MATN2: variants seen among roughly 807,000 people sequenced by gnomAD.
The protein encoded by MATN2 is matrilin-2.
A neutral mutation model predicts 103.2 loss-of-function variants in MATN2; 69 were observed. The observed-to-expected ratio is 0.67, with a 90% CI of 0.55 to 0.82. MATN2 has a LOEUF of 0.82. Ranked by LOEUF, MATN2 falls within the 40% of genes least tolerant of loss-of-function variation. MATN2 has a pLI of 0.00. For missense variants in MATN2, 1,023 were observed against 1,211.5 expected (o/e 0.84, Z 2.31); for synonymous variants, 429 against 450.2 (o/e 0.95, Z 0.60).
At chr8:97,994,447 T>G (rs778341901) in intron 6 of MATN2, 33 bp from the exon 7 acceptor site, 2 of 1,588,966 alleles carry the variant, frequency 1.3e-6, no homozygotes, top group Non-Finnish European at 1.7e-6. Flanking sequence ...TATTGATTGG[T>G]TTGCCATTCT....
At chr8:97,869,940 C>T (rs973738973) in intron 1 of MATN2, among the ~76,000 whole-genome samples, 1 of 152,130 alleles carries the variant, frequency 6.6e-6, no homozygotes, top group Admixed American at 6.5e-5. Context: ...CAGGGACACT[C>T]GCGCCCACCC....
intron 5 of MATN2, among the ~76,000 whole-genome samples, chr8:97,964,180 G>A (rs117238550): frequency 0.03 from 4,622 of 152,272 alleles, 107 homozygotes; most frequent in Non-Finnish European, 0.047. Context: ...AGGTCAGAGA[G>A]AGACTGTTAC....
rs1315095224 is a variant in MATN2 at position 97,869,241 on chromosome 8, C to T, written c.-73C>T. 1.3e-5 allele frequency: 2 copies of T among 152,244 alleles called. No individual in the cohort carries two copies. The highest frequency in any genetic ancestry group is 6.5e-5 in the Admixed American group (1 of 15,284). The allele number at this position is 152,244 out of a possible 1,614,324, so 9.4% of individuals were successfully genotyped here. On this transcript the variant is annotated 5_prime_UTR_variant, in exon 1 of 19. Coordinates refer to ENST00000254898, the MANE Select transcript of MATN2 (RefSeq NM_002380.5). ...GGCGAAGAGGCCGACGAGGAAGACC[C>T]GGGTGGCTGCGCCCCTGCCTCGCTT...
chr8:97,887,558 T>C (rs1475133555), intron 1 of MATN2, among the ~76,000 whole-genome samples: 1 of 152,218 alleles, frequency 6.6e-6, no homozygotes, highest in Admixed American at 6.5e-5. Flanking sequence ...CCAACACTCT[T>C]GTAATAAATG....
At chr8:98,026,320 C>G (rs1285360980) in intron 13 of MATN2, among the ~76,000 whole-genome samples, 1 of 150,620 alleles carries the variant, frequency 6.6e-6, no homozygotes, top group Non-Finnish European at 1.5e-5. Context: ...AGTGCAGCGG[C>G]ACAATCATAG....
At chr8:97,893,025 G>A (rs556647302) in intron 2 of MATN2, among the ~76,000 whole-genome samples, 2 of 152,302 alleles carry the variant, frequency 1.3e-5, no homozygotes, top group South Asian at 2.1e-4. Flanking sequence ...TTAGGACCTC[G>A]AGGGCTCCAA....
intron 4 of MATN2, among the ~76,000 whole-genome samples, chr8:97,960,992 T>C (rs1224873626): frequency 6.6e-6 from 1 of 152,064 alleles, no homozygotes; most frequent in Non-Finnish European, 1.5e-5. Flanking sequence ...TTTTTATATT[T>C]TTAGTAGAGA....
intron 2 of MATN2, among the ~76,000 whole-genome samples, chr8:97,927,592 T>A (rs549652337): frequency 6.6e-6 from 1 of 152,314 alleles, no homozygotes; most frequent in South Asian, 2.1e-4. Flanking sequence ...CAAGGACACA[T>A]TTTGAAGAAA....
At position 97,967,683 on chromosome 8, in the gene MATN2, G is replaced by A. The variant is rs182360800; in HGVS notation, c.958+6153G>A. On this transcript the variant is annotated intron_variant, in intron 5 of 18. Transcript: ENST00000254898. ...GGCCCCCAAGGCCTTGGTTGGCTCC[G>A]CCCCTGTGGTTGCAGGGTATAGCCC... 1.8e-4 allele frequency among the ~76,000 whole-genome samples: 27 copies of A among 152,330 alleles called. No homozygotes were observed. In the East Asian group the frequency reaches 1.9e-3, roughly 11 times the overall value.
intron 6 of MATN2, among the ~76,000 whole-genome samples, chr8:97,991,853 C>T (rs980285031): frequency 2.6e-5 from 4 of 152,108 alleles, no homozygotes; most frequent in Non-Finnish European, 5.9e-5. Context: ...CATGAGCCAC[C>T]ACCCCTGGCT....
Position 98,003,660 on chromosome 8 carries a change from G to A in MATN2, c.1205-1G>A. On this transcript the variant is annotated splice_acceptor_variant, in intron 7 of 18. Transcript: ENST00000254898. LOFTEE classifies it high-confidence loss of function. Reference sequence around the variant, plus strand: ...GGAAGGTCTGCCCTTCTTCCCCTCAGGGATCAACTACTGTGCACTGAACAA... The same window carrying A: ...GGAAGGTCTGCCCTTCTTCCCCTCAAGGATCAACTACTGTGCACTGAACAA... 1 of 1,613,760 alleles carries A rather than the reference G, an allele frequency of 6.2e-7. No individual in the cohort carries two copies. The highest frequency in any genetic ancestry group is 2.2e-5 in the East Asian group (1 of 44,844).
chr8:97,975,777 G>A (rs1208190637), intron 5 of MATN2, among the ~76,000 whole-genome samples: 3 of 152,124 alleles, frequency 2.0e-5, no homozygotes, highest in East Asian at 1.9e-4. Flanking sequence ...CTGCTAACAC[G>A]GGCCCAAGCA....
At chr8:97,973,625 A>G (rs1811733934) in intron 5 of MATN2, among the ~76,000 whole-genome samples, 1 of 143,760 alleles carries the variant, frequency 7.0e-6, no homozygotes, top group African/African-American at 2.6e-5. Flanking sequence ...ATTGGAGTGC[A>G]GTGGCATGAT....
At chr8:98,014,347 T>C (rs1055953557) in intron 10 of MATN2, among the ~76,000 whole-genome samples, 18 of 152,134 alleles carry the variant, frequency 1.2e-4, no homozygotes, top group Admixed American at 8.5e-4. Context: ...ATATCATGGA[T>C]CACTCAACTC....
intron 1 of MATN2, among the ~76,000 whole-genome samples, chr8:97,881,756 A>T (rs1818259953): frequency 1.3e-5 from 2 of 152,116 alleles, no homozygotes; most frequent in Non-Finnish European, 2.9e-5. Flanking sequence ...CTGAGAAACA[A>T]CCATTGAGAT....
At chr8:97,966,656 A>C (rs558977181) in intron 5 of MATN2, among the ~76,000 whole-genome samples, 1 of 152,354 alleles carries the variant, frequency 6.6e-6, no homozygotes, top group South Asian at 2.1e-4. Flanking sequence ...ACACGTCAAG[A>C]GGAAGCAGAA....
At chr8:97,914,771 G>A (rs751903563) in intron 2 of MATN2, among the ~76,000 whole-genome samples, 9 of 152,110 alleles carry the variant, frequency 5.9e-5, no homozygotes, top group Non-Finnish European at 1.2e-4. Flanking sequence ...CTGGGTGCGT[G>A]TGCATCCCAC....
At chr8:98,004,680 C>T (rs1383230657) in intron 8 of MATN2, among the ~76,000 whole-genome samples, 4 of 152,146 alleles carry the variant, frequency 2.6e-5, no homozygotes, top group Admixed American at 6.5e-5. Context: ...GACAAGAGGC[C>T]GGAGGGGACA....
At chr8:97,889,885 C>T (rs1818572567) in intron 2 of MATN2, among the ~76,000 whole-genome samples, 1 of 152,226 alleles carries the variant, frequency 6.6e-6, no homozygotes, top group African/African-American at 2.4e-5. Flanking sequence ...CTCCCTTCCT[C>T]CCTCTGATAC....
Sources: allele counts gnomAD v4.1 joint callset (sites outside exome capture counted in the v4.1 genomes callset), GRCh38; gene constraint gnomAD v4.1.1; transcripts MANE v1.5; gene names NCBI Gene and HGNC (gene_info 2026-07-23, HGNC 2026-07-21).